Variants in PCDH9 observed in about 807,000 individuals in gnomAD.
PCDH9 encodes protocadherin 9, also known as protocadherin-9.
PCDH9 carries 24 observed loss-of-function variants against 70.6 expected under a neutral mutation model. That is an observed-to-expected ratio of 0.34 (90% CI 0.25 to 0.48). The LOEUF (loss-of-function observed/expected upper bound fraction) is 0.48. PCDH9 is among the 20% of genes least tolerant of loss of function. The pLI, the probability that PCDH9 is intolerant of heterozygous loss-of-function variation, is 0.99. For missense variants in PCDH9, 1,281 were observed against 1,503.6 expected, an observed-to-expected ratio of 0.85 and a Z score of 2.45; for synonymous variants, 562 against 558.5, an observed-to-expected ratio of 1.01 and a Z score of -0.09.
intron 3 of PCDH9, among the ~76,000 whole-genome samples, chr13:66,703,597 A>G (rs2078674727): frequency 6.6e-6 from 1 of 152,154 alleles, no homozygotes; most frequent in South Asian, 2.1e-4. Context: ...AGATTAATTG[A>G]AATTAAGAAA....
At chr13:66,715,693 T>C (rs2078858957) in intron 3 of PCDH9, among the ~76,000 whole-genome samples, 1 of 152,228 alleles carries the variant, frequency 6.6e-6, no homozygotes, top group Non-Finnish European at 1.5e-5. Context: ...AAAATGTCTA[T>C]TCTTTATCTG....
At chr13:67,021,016 C>T (rs922662493) in intron 2 of PCDH9, among the ~76,000 whole-genome samples, 1 of 152,168 alleles carries the variant, frequency 6.6e-6, no homozygotes, top group African/African-American at 2.4e-5. Flanking sequence ...TAAACACACA[C>T]ATATTATAAT....
chr13:66,820,434 G>A (rs1429140053), intron 3 of PCDH9, among the ~76,000 whole-genome samples: 1 of 152,182 alleles, frequency 6.6e-6, no homozygotes, highest in Non-Finnish European at 1.5e-5. Context: ...GTGGAAGACA[G>A]TGTGGTAATT....
intron 4 of PCDH9, among the ~76,000 whole-genome samples, chr13:66,430,330 C>T (rs898311474): frequency 6.6e-6 from 1 of 151,966 alleles, no homozygotes; most frequent in Non-Finnish European, 1.5e-5. Flanking sequence ...TTTTCCACAT[C>T]AATAAATACA....
intron 2 of PCDH9, among the ~76,000 whole-genome samples, chr13:66,950,120 A>G (rs2083154417): frequency 6.6e-6 from 1 of 152,128 alleles, no homozygotes; most frequent in Non-Finnish European, 1.5e-5. Context: ...TAAGTGATAT[A>G]TAGTAATAAC....
At chr13:67,119,756 T>G (rs549066292) in intron 2 of PCDH9, among the ~76,000 whole-genome samples, 153 of 152,288 alleles carry the variant, frequency 1.0e-3, no homozygotes, top group African/African-American at 3.7e-3. Flanking sequence ...AATTATTTGT[T>G]GTGGTTATTA....
At chr13:66,817,326 A>T (rs894757215) in intron 3 of PCDH9, among the ~76,000 whole-genome samples, 2 of 152,106 alleles carry the variant, frequency 1.3e-5, no homozygotes, top group African/African-American at 4.8e-5. Context: ...ACTGTAAAGG[A>T]TACTATTTTA....
chr13:67,098,444 G>A (rs563286805), intron 2 of PCDH9, among the ~76,000 whole-genome samples: 229 of 152,170 alleles, frequency 1.5e-3, no homozygotes, highest in African/African-American at 5.3e-3. Flanking sequence ...TATGAAAGAT[G>A]CTCTTTTTTC....
At chr13:66,449,847 G>A (rs965788457) in intron 4 of PCDH9, among the ~76,000 whole-genome samples, 1 of 151,972 alleles carries the variant, frequency 6.6e-6, no homozygotes, top group Non-Finnish European at 1.5e-5. Flanking sequence ...CTATTCTAGA[G>A]TTAGAAAAAG....
intron 3 of PCDH9, among the ~76,000 whole-genome samples, chr13:66,685,120 T>C (rs1400390085): frequency 6.6e-6 from 1 of 152,038 alleles, no homozygotes; most frequent in Non-Finnish European, 1.5e-5. Context: ...GCCAGGATAA[T>C]GGGGAAAATG....
At chr13:66,981,658 T>C (rs990506547) in intron 2 of PCDH9, among the ~76,000 whole-genome samples, 4 of 152,030 alleles carry the variant, frequency 2.6e-5, no homozygotes, top group African/African-American at 9.7e-5. Flanking sequence ...ATTTAAATTC[T>C]TGCTATTCCA....
rs1285018330 is a variant in PCDH9 at position 67,227,124 on chromosome 13, A to G, written c.1317T>C (p.Ile439=). 3 of 1,613,886 alleles carry G rather than the reference A, an allele frequency of 1.9e-6. No homozygotes were observed. The highest frequency in any genetic ancestry group is 2.7e-5 in the African/African-American group (2 of 74,914). The part of the protein sequence containing the change: ...YEGTKEFSFK[I]VASDSGKPSL... Reference sequence around the variant, plus strand: ...TGGGCTTCCCAGAATCAGAGGCAACAATTTTAAAGCTGAATTCTTTGGTGC... The same window carrying G: ...TGGGCTTCCCAGAATCAGAGGCAACGATTTTAAAGCTGAATTCTTTGGTGC... Residue 439 remains isoleucine, a synonymous_variant, in exon 2 of 5, where the codon ATT becomes ATC. Transcript: ENST00000377865. This position sits in a 1 kb window ranked among gnomAD's most constrained non-coding sequence, Gnocchi z 4.6.
chr13:66,348,069 A>G (rs1368893285), intron 4 of PCDH9, among the ~76,000 whole-genome samples: 1 of 152,018 alleles, frequency 6.6e-6, no homozygotes, highest in African/African-American at 2.4e-5. Flanking sequence ...AATTTTCTTT[A>G]TCTCTTCTTC....
intron 2 of PCDH9, among the ~76,000 whole-genome samples, chr13:67,018,572 T>C (rs112703834): frequency 0.11 from 15,921 of 150,232 alleles, 933 homozygotes; most frequent in Middle Eastern, 0.16. Flanking sequence ...TGAACCTAGA[T>C]TGTGCCACTG....
chr13:66,531,516 T>G (rs1015656844), intron 4 of PCDH9, among the ~76,000 whole-genome samples: 3 of 152,140 alleles, frequency 2.0e-5, no homozygotes, highest in Non-Finnish European at 4.4e-5. Context: ...TTTCTTGTTA[T>G]GGCATGCACC....
chr13:67,164,988 G>C (rs900790316), intron 2 of PCDH9, among the ~76,000 whole-genome samples: 1 of 152,162 alleles, frequency 6.6e-6, no homozygotes, highest in African/African-American at 2.4e-5. Context: ...CAGCAGGGGA[G>C]AGAACTTAGC....
intron 3 of PCDH9, among the ~76,000 whole-genome samples, chr13:66,687,630 T>G (rs1408075833): frequency 6.6e-6 from 1 of 152,144 alleles, no homozygotes; most frequent in East Asian, 1.9e-4. Context: ...GTGCCTGCTA[T>G]TTGCAAGATA....
At position 66,390,775 on chromosome 13, in the gene PCDH9, C is replaced by T. The variant is rs1349916753; in HGVS notation, c.3341-85747G>A. Reference sequence around the variant, plus strand: ...CTGGGCAAAATCATCCCACCTACAACATTGCCTTAGAGACTATGGCTATCA... The same window carrying T: ...CTGGGCAAAATCATCCCACCTACAATATTGCCTTAGAGACTATGGCTATCA... On this transcript the variant is annotated intron_variant, in intron 4 of 4. Coordinates refer to ENST00000377865, the MANE Select transcript of PCDH9 (RefSeq NM_203487.3). 3.3e-5 allele frequency among the ~76,000 whole-genome samples: 5 copies of T among 151,308 alleles called. No individual in the cohort carries two copies. In the South Asian group the frequency reaches 8.3e-4, roughly 25 times the overall value.
At chr13:67,020,214 A>G (rs1378133716) in intron 2 of PCDH9, among the ~76,000 whole-genome samples, 1 of 152,216 alleles carries the variant, frequency 6.6e-6, no homozygotes, top group East Asian at 1.9e-4. Flanking sequence ...TAAACAACAC[A>G]ACAACAAAAG....
Sources: allele counts gnomAD v4.1 joint callset (sites outside exome capture counted in the v4.1 genomes callset), GRCh38; gene constraint gnomAD v4.1.1; non-coding constraint Gnocchi (gnomAD v3.1); transcripts MANE v1.5; gene names NCBI Gene and HGNC (gene_info 2026-07-23, HGNC 2026-07-21).